SLC45A2: variants seen among roughly 807,000 people sequenced by gnomAD.
The protein encoded by SLC45A2 is solute carrier family 45 member 2.
SLC45A2 carries 36 observed loss-of-function variants against 45.5 expected under a neutral mutation model. The observed-to-expected ratio is 0.79, with a 90% CI of 0.61 to 1.04. The LOEUF (loss-of-function observed/expected upper bound fraction) is 1.04, where lower values mean the gene tolerates loss of function less well. Among genes scored for constraint, SLC45A2 ranks in the 50% least tolerant of loss-of-function variants. The probability of loss-of-function intolerance (pLI) is 0.00; values close to 1 mark genes in which losing one functional copy is unlikely to be tolerated. For missense variants in SLC45A2, 719 were observed against 671.0 expected (o/e 1.07, Z -0.79); for synonymous variants, 306 against 269.3 (o/e 1.14, Z -1.33).
rs759411189 is a variant in SLC45A2, at chr5:33,947,257, AG to A, written c.1273del (p.Leu425TrpfsTer9). On this transcript the variant is annotated frameshift_variant, in exon 6 of 7. Transcript: ENST00000296589. LOFTEE classifies it high-confidence loss of function. ...IGLFPNVYST[L>X]VLCSLFGVMS... ...TACACCAAACAGGCTGCACAGGACC[AG>A]GGTGGAGTAGACATTCGGGAAGAGC... is the stretch of plus-strand genomic sequence containing the variant. 8 of 1,614,120 alleles carry A rather than the reference AG, an allele frequency of 5.0e-6. No individual in the cohort carries two copies. Among genetic ancestry groups the A allele is most frequent in the African/African-American group, 1.3e-5 (1 of 74,950 alleles).
chr5:33,951,987 A>G (rs185145), intron 4 of SLC45A2, among the ~76,000 whole-genome samples: 11,052 of 151,982 alleles, frequency 0.073, 1,253 homozygotes, highest in East Asian at 0.42. Flanking sequence ...GCTACAGCCA[A>G]TCGGCTTCTG....
intron 3 of SLC45A2, among the ~76,000 whole-genome samples, chr5:33,960,391 A>C (rs1579544838): frequency 6.6e-6 from 1 of 152,040 alleles, no homozygotes; most frequent in Non-Finnish European, 1.5e-5. Flanking sequence ...ACGTGTGTGC[A>C]GGTATCTTTT....
Position 33,982,395 on chromosome 5 carries a change from T to C in SLC45A2, c.403A>G (p.Arg135Gly), listed in dbSNP as rs768805504. The change falls in exon 2 of 7, where the codon AGG (arginine) becomes GGG (glycine). Residue 135 changes from arginine to glycine, a missense_variant. Arg to Gly is a moderately radical substitution (Grantham distance 125). Coordinates refer to ENST00000296589, the MANE Select transcript of SLC45A2 (RefSeq NM_016180.5). Reference protein sequence around the residue: ...TVVAALIANPRRKLVWAISVT... With the variant: ...TVVAALIANPGRKLVWAISVT... ...CTTATGGCCCAAACCAGCTTCCTCC[T>C]TGGGTTAGCAATCAAAGCTAAAAGA... The C allele has an allele frequency of 2.0e-5, 33 of 1,614,020 alleles. No homozygotes were observed. In the Admixed American group the frequency reaches 4.5e-4, roughly 22 times the overall value.
chr5:33,955,221 C>A (rs35390), intron 3 of SLC45A2, among the ~76,000 whole-genome samples: 122,505 of 152,086 alleles, frequency 0.81, 52,511 homozygotes, highest in Non-Finnish European at 0.97. Context: ...AACTCCAGGC[C>A]AACAGTCCAC....
intron 6 of SLC45A2, chr5:33,946,880 C>T: frequency 1.5e-6 from 2 of 1,378,750 alleles, no homozygotes; most frequent in Admixed American, 3.1e-5. Flanking sequence ...GTTTCTCAGC[C>T]TCACCAAGCC....
chr5:33,946,285 A>C (rs1211076351), intron 6 of SLC45A2: 1 of 985,178 alleles, frequency 1.0e-6, no homozygotes, highest in Non-Finnish European at 1.2e-6. Context: ...AAAGGTTTTT[A>C]CTCCTGGTGC....
chr5:33,983,225 C>T (rs1421677019), intron 1 of SLC45A2, among the ~76,000 whole-genome samples: 1 of 152,238 alleles, frequency 6.6e-6, no homozygotes, highest in Admixed American at 6.5e-5. Context: ...TTTCATTCTA[C>T]GGATACGCTG....
chr5:33,984,664 G>C lies in SLC45A2; in HGVS notation c.-81C>G, dbSNP rs1414667467. On this transcript the variant is annotated 5_prime_UTR_variant, in exon 1 of 7. Transcript: ENST00000296589. ...GTCTGTGTTTCAAACTGGATTTGAC[G>C]TGGAGCCTGGCCGAGCAACCAACAG... The C allele has an allele frequency of 1.3e-6, 2 of 1,583,396 alleles. No homozygotes were observed. The highest frequency in any genetic ancestry group is 2.2e-5 in the East Asian group (1 of 44,744).
intron 1 of SLC45A2, among the ~76,000 whole-genome samples, chr5:33,983,532 C>T (rs1190922667): frequency 2.0e-5 from 3 of 152,170 alleles, no homozygotes; most frequent in Admixed American, 6.5e-5. Context: ...TCATAATCAC[C>T]GATTCTGCTA....
At chr5:33,981,593 C>T (rs2112012903) in intron 2 of SLC45A2, among the ~76,000 whole-genome samples, 1 of 152,282 alleles carries the variant, frequency 6.6e-6, no homozygotes, top group South Asian at 2.1e-4. Flanking sequence ...AAACAATTGA[C>T]CAACAGTAAC....
chr5:33,963,842 G>T lies in SLC45A2; in HGVS notation c.737C>A (p.Ala246Glu). The change falls in exon 3 of 7, where the codon GCA (alanine) becomes GAA (glutamate). Residue 246 changes from alanine (A) to glutamate (E), a missense_variant. Transcript: ENST00000296589. Reference protein sequence around the residue: ...SISEAPLTEVAKGIPPQQTPQ... With the variant: ...SISEAPLTEVEKGIPPQQTPQ... ...GGTTTGCTGTGGGGGAATGCCCTTT[G>T]CAACCTCTGTAAGTGGGGCTTCAGA... 1.9e-6 allele frequency: 3 copies of T among 1,614,112 alleles called. No individual in the cohort carries two copies. The highest frequency in any genetic ancestry group is 2.2e-5 in the South Asian group (2 of 91,070).
chr5:33,981,780 G>A (rs923039143), intron 2 of SLC45A2, among the ~76,000 whole-genome samples: 1 of 152,132 alleles, frequency 6.6e-6, no homozygotes, highest in Non-Finnish European at 1.5e-5. Flanking sequence ...TTTTAAACCT[G>A]CCACAAAATC....
chr5:33,947,046 G>A (rs1295248301), intron 6 of SLC45A2, 117 bp downstream of exon 6: 1 of 1,608,962 alleles, frequency 6.2e-7, no homozygotes, highest in African/African-American at 1.3e-5. Flanking sequence ...GCATTTGACT[G>A]TTGCTGTTTC....
intron 2 of SLC45A2, chr5:33,972,075 C>T (rs1213593514): frequency 4.0e-6 from 2 of 500,728 alleles, no homozygotes; most frequent in African/African-American, 3.9e-5. Context: ...GTATCTAGTT[C>T]TATTGTAGAC....
intron 5 of SLC45A2, chr5:33,951,324 C>A (rs1441857551): frequency 2.5e-6 from 3 of 1,178,172 alleles, no homozygotes; most frequent in African/African-American, 1.5e-5. Context: ...GATCAGGAAC[C>A]CACTGATTCC....
chr5:33,953,764 C>T (rs918079799), intron 4 of SLC45A2, among the ~76,000 whole-genome samples: 1 of 105,488 alleles, frequency 9.5e-6, no homozygotes, highest in Non-Finnish European at 1.9e-5. Context: ...CACAGACTGG[C>T]AAGTTGGATA....
At chr5:33,955,247 T>G (rs908893198) in intron 3 of SLC45A2, among the ~76,000 whole-genome samples, 9 of 152,174 alleles carry the variant, frequency 5.9e-5, no homozygotes, top group Admixed American at 5.2e-4. Context: ...AGCAGGGACC[T>G]CAATCCTATA....
intron 2 of SLC45A2, among the ~76,000 whole-genome samples, chr5:33,969,610 G>A (rs745787982): frequency 1.3e-5 from 2 of 152,176 alleles, no homozygotes; most frequent in African/African-American, 4.8e-5. Context: ...GGCTGCGAAG[G>A]CATCGAGAGT....
chr5:33,961,932 G>A (rs998818718), intron 3 of SLC45A2, among the ~76,000 whole-genome samples: 2 of 152,170 alleles, frequency 1.3e-5, no homozygotes, highest in Admixed American at 1.3e-4. Context: ...CCTGAGTGAA[G>A]CTTTCTTGAA....
Sources: allele counts gnomAD v4.1 joint callset (sites outside exome capture counted in the v4.1 genomes callset), GRCh38; gene constraint gnomAD v4.1.1; transcripts MANE v1.5; gene names NCBI Gene and HGNC (gene_info 2026-07-23, HGNC 2026-07-21).